THAP6: variants seen among roughly 807,000 people sequenced by gnomAD.
THAP6 encodes the protein THAP domain-containing protein 6.
A neutral mutation model predicts 20.0 loss-of-function variants in THAP6; 13 were observed. The observed-to-expected ratio is 0.65, with a 90% CI of 0.42 to 1.03. THAP6 has a LOEUF of 1.03. THAP6 is among the 50% of genes least tolerant of loss of function. The probability of loss-of-function intolerance (pLI) is 0.00; values close to 1 mark genes in which losing one functional copy is unlikely to be tolerated. For synonymous variants in THAP6, 93 were observed against 92.2 expected, an observed-to-expected ratio of 1.01 and a Z score of -0.05; for missense variants, 262 against 261.6, an observed-to-expected ratio of 1.00 and a Z score of -0.01.
intron 4 of THAP6, 68 bp downstream of exon 4, chr4:75,521,929 A>G: frequency 6.3e-7 from 1 of 1,587,544 alleles, no homozygotes; most frequent in Non-Finnish European, 8.6e-7. Context: ...CATTACAATC[A>G]AATTTTTCAG....
downstream of THAP6, among the ~76,000 whole-genome samples, chr4:75,531,143 A>AGAC (rs1163880016): frequency 2.0e-5 from 3 of 152,242 alleles, no homozygotes; most frequent in African/African-American, 7.2e-5. Flanking sequence ...TCACTGTGCC[A>AGAC]GACTGTTTGT....
At chr4:75,542,715 C>CTTTTG (rs965779542) in intron 3 of THAP6, 182 of 383,174 alleles carry the variant, frequency 4.7e-4, no homozygotes, top group African/African-American at 2.7e-3. Flanking sequence ...GAGCCAGAGA[C>CTTTTG]TTTTGTTTTG....
At chr4:75,540,822 G>A (rs1726982279) in intron 2 of THAP6, among the ~76,000 whole-genome samples, 1 of 152,146 alleles carries the variant, frequency 6.6e-6, no homozygotes, top group African/African-American at 2.4e-5. Flanking sequence ...AGGCTACACA[G>A]CTGAAAGAAA....
chr4:75,517,164 C>T (rs1725717560), intron 3 of THAP6, 185 bp downstream of exon 3: 1 of 509,634 alleles, frequency 2.0e-6, no homozygotes, highest in Admixed American at 3.4e-5. Flanking sequence ...ATTACAGGCA[C>T]CTGCCACCAC....
chr4:75,546,630 G>A (rs1488711519), intron 3 of THAP6, among the ~76,000 whole-genome samples: 1 of 152,188 alleles, frequency 6.6e-6, no homozygotes, highest in Non-Finnish European at 1.5e-5. Flanking sequence ...GTTTAAGGAA[G>A]TACCTCATGC....
intron 3 of THAP6, among the ~76,000 whole-genome samples, chr4:75,517,986 C>T (rs952153047): frequency 6.6e-6 from 1 of 152,142 alleles, no homozygotes; most frequent in African/African-American, 2.4e-5. Flanking sequence ...GAGAAGTAGC[C>T]AAAAGCGTAC....
chr4:75,535,181 G>C (rs991755896), intron 2 of THAP6, among the ~76,000 whole-genome samples: 1 of 152,218 alleles, frequency 6.6e-6, no homozygotes, highest in Non-Finnish European at 1.5e-5. Context: ...GCACAGGAAA[G>C]ACCTGCCCCC....
rs1259258715 is a variant in THAP6, at chr4:75,529,508, G to C, written c.*2294G>C. 2.0e-6 allele frequency: 2 copies of C among 985,302 alleles called. No homozygotes were observed. The highest frequency in any genetic ancestry group is 3.5e-5 in the African/African-American group (2 of 57,238). The allele number at this position is 985,302 out of a possible 1,614,324, so 61.0% of individuals were successfully genotyped here. ...TGCCCATTTTCTCTTTGTTCTAATA[G>C]GGAAGCAATTACTGATAGAAATGTG... is the stretch of plus-strand genomic sequence containing the variant. On this transcript the variant is annotated 3_prime_UTR_variant, in exon 5 of 5. Coordinates refer to ENST00000311638, the MANE Select transcript of THAP6 (RefSeq NM_144721.6).
chr4:75,537,919 C>G (rs1189471105), intron 2 of THAP6, among the ~76,000 whole-genome samples: 1 of 152,180 alleles, frequency 6.6e-6, no homozygotes, highest in Non-Finnish European at 1.5e-5. Context: ...GCCCTGCTGT[C>G]CCATTTTAGA....
chr4:75,524,910 C>T (rs1294546272), intron 4 of THAP6, among the ~76,000 whole-genome samples: 2 of 152,136 alleles, frequency 1.3e-5, no homozygotes, highest in Non-Finnish European at 2.9e-5. Context: ...ACATGTGCCA[C>T]CATGCCAAGC....
chr4:75,538,225 A>T (rs935632105), intron 2 of THAP6, among the ~76,000 whole-genome samples: 15 of 152,204 alleles, frequency 9.9e-5, no homozygotes, highest in African/African-American at 2.9e-4. Context: ...CACTCAAAAA[A>T]GTGTCATATT....
intron 2 of THAP6, among the ~76,000 whole-genome samples, chr4:75,538,690 TAATA>T (rs1726932202): frequency 6.6e-6 from 1 of 152,158 alleles, no homozygotes. Context: ...AAACTTCATT[TAATA>T]TTTTAACAAC....
intron 1 of THAP6, 68 bp from the exon 2 acceptor site, chr4:75,515,365 C>T (rs776715962): frequency 6.2e-6 from 9 of 1,447,656 alleles, no homozygotes; most frequent in Non-Finnish European, 8.7e-6. Context: ...CCTAAAACAC[C>T]GGGAAAGGGA....
Position 75,515,656 on chromosome 4 carries a change from A to C in THAP6, c.80+124A>C, listed in dbSNP as rs1043112404. The C allele has an allele frequency of 7.0e-6, 6 of 853,014 alleles. No homozygotes were observed. In the African/African-American group the frequency reaches 1.0e-4, roughly 14 times the overall value. The allele number at this position is 853,014 out of a possible 1,614,324, so 52.8% of individuals were successfully genotyped here. On this transcript the variant is annotated intron_variant, in intron 2 of 4. Transcript: ENST00000311638. Reference sequence around the variant, plus strand: ...GTCCTTTTTAAATAACCTTTTTGTTAAATTTGAAGTGACAATGTGATACCT... The same window carrying C: ...GTCCTTTTTAAATAACCTTTTTGTTCAATTTGAAGTGACAATGTGATACCT...
At chr4:75,513,945 G>T (rs1212602308), upstream of THAP6, 8 of 381,546 alleles carry the variant, frequency 2.1e-5, no homozygotes, top group East Asian at 3.5e-4. Context: ...AAGCCCACTG[G>T]CAGAGACCAC....
At position 75,514,485 on chromosome 4, in the gene THAP6, C is replaced by A. The variant is rs970115159; in HGVS notation, c.-56C>A. On this transcript the variant is annotated 5_prime_UTR_variant, in exon 1 of 5. Transcript: ENST00000311638. The stretch of plus-strand genomic sequence containing the variant: ...CGGAAGCGAAGGCAGACGCAGTCTC[C>A]GTCGTTGACGTTAGTCGCAGTCTTC... 1.8e-6 allele frequency: 1 copy of A among 545,076 alleles called. No homozygotes were observed. Among genetic ancestry groups the A allele is most frequent in the Non-Finnish European group, 3.2e-6 (1 of 308,026 alleles). The allele number at this position is 545,076 out of a possible 1,614,324, so 33.8% of individuals were successfully genotyped here.
At chr4:75,515,338 A>G in intron 1 of THAP6, 95 bp from the exon 2 acceptor site, 2 of 1,158,516 alleles carry the variant, frequency 1.7e-6, no homozygotes, top group Non-Finnish European at 2.6e-6. Flanking sequence ...TTAGCTTTCT[A>G]TCCTGATTTT....
chr4:75,526,574 T>A (rs1179426617), intron 4 of THAP6, among the ~76,000 whole-genome samples: 1 of 152,196 alleles, frequency 6.6e-6, no homozygotes, highest in Non-Finnish European at 1.5e-5. Flanking sequence ...CCTTATCAAA[T>A]GCAATAGCCA....
chr4:75,514,208 A>G (rs1402990436), upstream of THAP6: 1 of 1,612,392 alleles, frequency 6.2e-7, no homozygotes, highest in South Asian at 1.1e-5. Flanking sequence ...TTTAGGAGAC[A>G]TCCTCTGTCA....
Sources: allele counts gnomAD v4.1 joint callset (sites outside exome capture counted in the v4.1 genomes callset), GRCh38; gene constraint gnomAD v4.1.1; transcripts MANE v1.5; gene names NCBI Gene and HGNC (gene_info 2026-07-23, HGNC 2026-07-21).